CDC42BPB: variants seen among roughly 807,000 people sequenced by gnomAD.
The protein encoded by CDC42BPB is serine/threonine-protein kinase MRCK beta.
CDC42BPB carries 37 observed loss-of-function variants against 214.9 expected under a neutral mutation model. That is an observed-to-expected ratio of 0.17 (90% CI 0.13 to 0.23). CDC42BPB has a LOEUF of 0.23. Among genes scored for constraint, CDC42BPB ranks in the 10% least tolerant of loss-of-function variants. The probability of loss-of-function intolerance (pLI) is 1.00; values close to 1 mark genes in which losing one functional copy is unlikely to be tolerated. For missense variants in CDC42BPB, 1,694 were observed against 2,227.0 expected (o/e 0.76, Z 4.82); for synonymous variants, 931 against 884.0 (o/e 1.05, Z -0.94).
chr14:102,954,717 G>A (rs753369694), intron 21 of CDC42BPB, 29 bp from the exon 22 acceptor site: 18 of 1,601,186 alleles, frequency 1.1e-5, no homozygotes, highest in Non-Finnish European at 7.7e-6. Context: ...AAAGAGTGGG[G>A]TGAAAGGACA....
At chr14:103,029,151 C>T (rs1269049732) in intron 1 of CDC42BPB, among the ~76,000 whole-genome samples, 1 of 152,200 alleles carries the variant, frequency 6.6e-6, no homozygotes, top group Non-Finnish European at 1.5e-5. Context: ...CTTATTTAGA[C>T]ATTGACTCTG....
chr14:102,952,380 G>T (rs2139399543), intron 24 of CDC42BPB, 118 bp downstream of exon 24: 1 of 638,660 alleles, frequency 1.6e-6, no homozygotes. Context: ...TCATGCCAAT[G>T]ACATTTCACT....
intron 1 of CDC42BPB, among the ~76,000 whole-genome samples, chr14:103,028,846 C>A (rs990434345): frequency 3.3e-5 from 5 of 152,176 alleles, no homozygotes; most frequent in African/African-American, 1.2e-4. Flanking sequence ...CTGGAAAATA[C>A]TAGTGACAAG....
intron 8 of CDC42BPB, among the ~76,000 whole-genome samples, chr14:102,979,240 C>T (rs2139509580): frequency 6.8e-6 from 1 of 146,818 alleles, no homozygotes; most frequent in South Asian, 2.1e-4. Context: ...TTGAGATGGA[C>T]TCTCGCTCTG....
rs35744735 is a variant in CDC42BPB, at chr14:102,949,330, C to A, written c.3449+435G>T. Among the ~76,000 whole-genome samples, 421 of 152,264 alleles carry A rather than the reference C, an allele frequency of 2.8e-3. 3 individuals carry two copies. Among genetic ancestry groups the A allele is most frequent in the African/African-American group, 9.9e-3 (413 of 41,552 alleles). Reference sequence around the variant, plus strand: ...AGACAGGGTCACATAGCAAACGCTACGGCCACGCACACCCACATGGCCCAC... The same window carrying A: ...AGACAGGGTCACATAGCAAACGCTAAGGCCACGCACACCCACATGGCCCAC... On this transcript the variant is annotated intron_variant, in intron 26 of 36. Coordinates refer to ENST00000361246, the MANE Select transcript of CDC42BPB (RefSeq NM_006035.4).
chr14:102,973,336 G>A (rs1406349799), intron 12 of CDC42BPB, among the ~76,000 whole-genome samples: 1 of 152,186 alleles, frequency 6.6e-6, no homozygotes, highest in Non-Finnish European at 1.5e-5. Flanking sequence ...CAAACTACAG[G>A]TTCAAGAATA....
At chr14:102,977,428 G>A (rs1340279712) in intron 9 of CDC42BPB, among the ~76,000 whole-genome samples, 4 of 151,896 alleles carry the variant, frequency 2.6e-5, no homozygotes, top group African/African-American at 9.7e-5. Context: ...AGGACGCCAG[G>A]AATCAGATTC....
intron 1 of CDC42BPB, among the ~76,000 whole-genome samples, chr14:103,035,973 G>A (rs1396630256): frequency 6.6e-6 from 1 of 151,918 alleles, no homozygotes; most frequent in Non-Finnish European, 1.5e-5. Context: ...GCAACATGAC[G>A]AAACCTCATC....
rs374316100 is a variant in CDC42BPB, at chr14:102,954,272, T to C, written c.2992A>G (p.Met998Val). Residue 998 changes from methionine (M) to valine (V), a missense_variant, in exon 23 of 37, where the codon ATG becomes GTG. Physicochemically the swap from Met to Val is conservative, Grantham distance 21. This residue lies in a region of CDC42BPB where 156 missense variants were observed against 154.5 expected (regional missense o/e 1.01). Coordinates refer to ENST00000361246, the MANE Select transcript of CDC42BPB (RefSeq NM_006035.4). ...SVAASEQQEDMARPPQRPSAV... is the reference protein window; with the variant it reads ...SVAASEQQEDVARPPQRPSAV... The stretch of plus-strand genomic sequence containing the variant: ...GATGGCCTCTGCGGGGGCCGAGCCA[T>C]GTCCTGGGAGACAAGCAGGACAGGT... The C allele has an allele frequency of 4.6e-6, 7 of 1,527,490 alleles. No individual in the cohort carries two copies. In the African/African-American group the frequency reaches 8.4e-5, roughly 18 times the overall value. 94.6% of individuals were successfully genotyped at this position (1,527,490 alleles called of 1,614,324 possible).
At chr14:103,006,047 C>T (rs1885798631) in intron 3 of CDC42BPB, among the ~76,000 whole-genome samples, 1 of 151,034 alleles carries the variant, frequency 6.6e-6, no homozygotes, top group African/African-American at 2.4e-5. Context: ...ATGGCTGTTG[C>T]AGCTGTGTCC....
chr14:102,959,768 T>G (rs1892872511), intron 20 of CDC42BPB, 58 bp from the exon 21 acceptor site: 2 of 1,534,142 alleles, frequency 1.3e-6, no homozygotes, highest in East Asian at 4.8e-5. Flanking sequence ...CATATTATTT[T>G]CAGACAGACT....
In CDC42BPB at chr14:102,954,703, A is replaced by G. The variant is rs1258226799; in HGVS notation, c.2902-15T>C. 1 of 1,610,540 alleles carries G rather than the reference A, an allele frequency of 6.2e-7. No individual in the cohort carries two copies. The highest frequency in any genetic ancestry group is 1.3e-5 in the African/African-American group (1 of 74,890). On this transcript the variant is annotated splice_polypyrimidine_tract_variant and intron_variant, in intron 21 of 36. Transcript: ENST00000361246. ...GCTGAGCTGGTCTGTGAGAACCAAG[A>G]AAGAAAGAGTGGGGTGAAAGGACAT...
chr14:103,051,908 C>T (rs1888630436), intron 1 of CDC42BPB, among the ~76,000 whole-genome samples: 1 of 151,980 alleles, frequency 6.6e-6, no homozygotes, highest in African/African-American at 2.4e-5. Flanking sequence ...TGCAGTGGCG[C>T]AATCTCAGCT....
chr14:103,015,479 C>T (rs1886403882), intron 1 of CDC42BPB, among the ~76,000 whole-genome samples: 2 of 152,120 alleles, frequency 1.3e-5, no homozygotes, highest in South Asian at 2.1e-4. Flanking sequence ...AAGAGCAAAA[C>T]TCCATTTCAA....
At chr14:102,986,263 C>T (rs541460309) in intron 6 of CDC42BPB, 3 of 462,728 alleles carry the variant, frequency 6.5e-6, no homozygotes, top group East Asian at 3.9e-5. Context: ...GGAAGGCACA[C>T]ATATTACTTT....
At chr14:103,053,146 A>C (rs1375452881) in intron 1 of CDC42BPB, among the ~76,000 whole-genome samples, 2 of 150,886 alleles carry the variant, frequency 1.3e-5, no homozygotes, top group East Asian at 2.0e-4. Flanking sequence ...TCAGGACTTT[A>C]AGACCAGCCT....
At chr14:102,966,195 CTAAA>C in intron 18 of CDC42BPB, 83 bp downstream of exon 18, 1 of 1,024,882 alleles carries the variant, frequency 9.8e-7, no homozygotes, top group Non-Finnish European at 1.5e-6. Flanking sequence ...CTGTAATTCC[CTAAA>C]TAGTACTTAT....
At chr14:102,986,044 TCTA>T (rs1274984533) in intron 6 of CDC42BPB, among the ~76,000 whole-genome samples, 1 of 152,158 alleles carries the variant, frequency 6.6e-6, no homozygotes, top group African/African-American at 2.4e-5. Context: ...TATTTCTAGG[TCTA>T]CAACACCCAT....
intron 25 of CDC42BPB, 115 bp downstream of exon 25, chr14:102,950,351 G>T: frequency 7.3e-7 from 1 of 1,373,428 alleles, no homozygotes. Flanking sequence ...CCCTAGGACT[G>T]GCACCAGGGC....
Sources: allele counts gnomAD v4.1 joint callset (sites outside exome capture counted in the v4.1 genomes callset), GRCh38; gene constraint gnomAD v4.1.1; regional missense constraint gnomAD v4.1.1; transcripts MANE v1.5; gene names NCBI Gene and HGNC (gene_info 2026-07-23, HGNC 2026-07-21).